Variants in ZNF540 observed in about 807,000 individuals in gnomAD.
ZNF540 encodes CTD-3064H18.6.
Under a neutral mutation model 11.8 loss-of-function variants are expected in ZNF540, and 3 were observed. The ratio of observed to expected loss-of-function variants is 0.25; its 90% CI spans 0.12 to 0.65. The LOEUF is 0.65. ZNF540 is among the 30% of genes least tolerant of loss of function. The pLI is 0.83. For missense variants in ZNF540, 709 were observed against 793.1 expected (o/e 0.89, Z 1.27); for synonymous variants, 247 against 259.0 (o/e 0.95, Z 0.45).
chr19:37,584,655 G>T (rs1201924724), intron 1 of ZNF540, among the ~76,000 whole-genome samples: 1 of 151,996 alleles, frequency 6.6e-6, no homozygotes, highest in African/African-American at 2.4e-5. Context: ...TGCTTATTTG[G>T]GAGTATCTGA....
At chr19:37,581,466 C>CTTTTTTTT (rs1226046583) in intron 1 of ZNF540, among the ~76,000 whole-genome samples, 1 of 138,730 alleles carries the variant, frequency 7.2e-6, no homozygotes, top group Non-Finnish European at 1.6e-5. Flanking sequence ...TTCTTTCTTT[C>CTTTTTTTT]TTTTTTTTTT....
At chr19:37,607,860 G>A (rs2044096872) in intron 4 of ZNF540, among the ~76,000 whole-genome samples, 1 of 152,160 alleles carries the variant, frequency 6.6e-6, no homozygotes, top group African/African-American at 2.4e-5. Flanking sequence ...ATAAGAATAG[G>A]TTTAGTTTTG....
In ZNF540 at chr19:37,564,260, G is replaced by A. The variant is rs111316372; in HGVS notation, c.-73+12595G>A. 5.6e-3 allele frequency: 970 copies of A among 174,084 alleles called. 11 individuals carry two copies. The highest frequency in any genetic ancestry group is 0.021 in the African/African-American group (908 of 42,412). The allele number at this position is 174,084 out of a possible 1,614,324, so 10.8% of individuals were successfully genotyped here. ...TTAACAACAAATATCAGATGCTATC[G>A]AAAGGGAATTATATGTATTTAATTA... On this transcript the variant is annotated intron_variant, in intron 1 of 4. Coordinates refer to the ZNF540 transcript ENST00000592533.
At position 37,613,260 on chromosome 19, in the gene ZNF540, T is replaced by A; in HGVS notation, c.1980T>A (p.Ile660=). 6.7e-7 allele frequency: 1 copy of A among 1,485,340 alleles called. No individual in the cohort carries two copies. Among genetic ancestry groups the A allele is most frequent in the Non-Finnish European group, 9.0e-7 (1 of 1,116,254 alleles). 92.0% of individuals were successfully genotyped at this position (1,485,340 alleles called of 1,614,324 possible). The part of the protein sequence containing the change: ...LYQHQKTHNV[I] Reference sequence around the variant, plus strand: ...AACATCAGAAAACTCATAATGTAATTTAATATAAGAAAAGGTTTCCATGTC... The same window carrying A: ...AACATCAGAAAACTCATAATGTAATATAATATAAGAAAAGGTTTCCATGTC... The change falls in exon 5 of 5, where the codon ATT becomes ATA. Residue 660 remains isoleucine (I), a synonymous_variant. Transcript: ENST00000316433.
chr19:37,604,304 T>TTTTTTTC (rs2044064957), intron 4 of ZNF540, among the ~76,000 whole-genome samples: 1 of 71,044 alleles, frequency 1.4e-5, no homozygotes, highest in African/African-American at 5.5e-5. Context: ...TACTTTTTTT[T>TTTTTTTC]TTTTTTTTTT....
chr19:37,565,843 A>T, intron 1 of ZNF540: 1 of 1,613,906 alleles, frequency 6.2e-7, no homozygotes, highest in Non-Finnish European at 8.5e-7. Context: ...CCATACACTC[A>T]TAAGGTTTCT....
At chr19:37,568,988 G>A (rs2042966095) in intron 1 of ZNF540, among the ~76,000 whole-genome samples, 2 of 151,144 alleles carry the variant, frequency 1.3e-5, no homozygotes, top group Admixed American at 6.6e-5. Context: ...ATGGAGTCTC[G>A]CTCTGTCATC....
upstream of ZNF540, among the ~76,000 whole-genome samples, chr19:37,593,390 G>C (rs916462532): frequency 6.6e-6 from 1 of 152,122 alleles, no homozygotes; most frequent in Non-Finnish European, 1.5e-5. Flanking sequence ...CCCCCAGAAA[G>C]TACAGTTATT....
Position 37,612,198 on chromosome 19 carries a change from A to G in ZNF540, c.918A>G (p.Lys306=), listed in dbSNP as rs1446973051. The G allele has an allele frequency of 6.2e-7, 1 of 1,612,252 alleles. No homozygotes were observed. The highest frequency in any genetic ancestry group is 8.5e-7 in the Non-Finnish European group (1 of 1,179,700). Reference sequence around the variant, plus strand: ...CTTATGAATGTAAAGAATGTGGAAAAGTTTTTCAACTTATTTTCTACTTTA... The same window carrying G: ...CTTATGAATGTAAAGAATGTGGAAAGGTTTTTCAACTTATTTTCTACTTTA... ...KKSYECKECG[K]VFQLIFYFKE... is the part of the protein sequence containing the mutation. The change falls in exon 5 of 5, where the codon AAA becomes AAG. Residue 306 remains lysine, a synonymous_variant. Coordinates refer to ENST00000316433, the MANE Select transcript of ZNF540 (RefSeq NM_001172225.3).
intron 4 of ZNF540, among the ~76,000 whole-genome samples, chr19:37,609,839 C>T (rs1371081439): frequency 6.6e-6 from 1 of 151,516 alleles, no homozygotes; most frequent in Non-Finnish European, 1.5e-5. Context: ...CAGAGTGAGA[C>T]TCCATCTCAA....
rs755818818 is a variant in ZNF540 at position 37,612,828 on chromosome 19, T to G, written c.1548T>G (p.Ile516Met). The G allele has an allele frequency of 6.2e-7, 1 of 1,614,104 alleles. No homozygotes were observed. The highest frequency in any genetic ancestry group is 1.1e-5 in the South Asian group (1 of 91,082). ...FGFYLTEHQR[I>M]HTGEKPYKCK... is the part of the protein sequence containing the mutation. ...TCTACCTTACTGAACACCAGAGAAT[T>G]CACACTGGTGAAAAGCCCTATAAAT... is the stretch of plus-strand genomic sequence containing the variant. Residue 516 changes from isoleucine (I) to methionine (M), a missense_variant, in exon 5 of 5, where the codon ATT becomes ATG. Transcript: ENST00000316433.
upstream of ZNF540, among the ~76,000 whole-genome samples, chr19:37,590,010 G>A (rs73617173): frequency 5.9e-3 from 900 of 151,984 alleles, 10 homozygotes; most frequent in African/African-American, 0.021. Context: ...AAAAGTCCAG[G>A]AATTGTTTTC....
chr19:37,551,860 ATG>A (rs1896537397), intron 1 of ZNF540, among the ~76,000 whole-genome samples: 1 of 151,304 alleles, frequency 6.6e-6, no homozygotes, highest in South Asian at 2.1e-4. Context: ...GGTGAAAAGA[ATG>A]TGTCTCGTGC....
intron 2 of ZNF540, 53 bp from the exon 3 acceptor site, chr19:37,599,573 T>C (rs1600556914): frequency 6.2e-7 from 1 of 1,611,194 alleles, no homozygotes; most frequent in East Asian, 2.2e-5. Context: ...TTTCTTCTTT[T>C]TAAAATACTT....
chr19:37,564,752 T>C, intron 1 of ZNF540: 1 of 1,613,818 alleles, frequency 6.2e-7, no homozygotes, highest in Non-Finnish European at 8.5e-7. Context: ...TTCCTTACAT[T>C]CATAGGGTTT....
chr19:37,562,125 A>G (rs1339167962), intron 1 of ZNF540, among the ~76,000 whole-genome samples: 1 of 152,182 alleles, frequency 6.6e-6, no homozygotes, highest in Admixed American at 6.5e-5. Flanking sequence ...GCTCATGCCT[A>G]TAATCCCAGC....
chr19:37,579,369 AC>A (rs1424222110), intron 1 of ZNF540, among the ~76,000 whole-genome samples: 1 of 152,180 alleles, frequency 6.6e-6, no homozygotes, highest in East Asian at 1.9e-4. Flanking sequence ...CTGAGGTCAG[AC>A]CAACCCAACC....
intron 3 of ZNF540, among the ~76,000 whole-genome samples, chr19:37,600,135 C>T (rs1468038259): frequency 2.0e-5 from 3 of 152,102 alleles, no homozygotes; most frequent in Non-Finnish European, 4.4e-5. Context: ...ACAGCCCTAC[C>T]CAGGGTCTAC....
intron 1 of ZNF540, chr19:37,565,413 C>T: frequency 6.2e-7 from 1 of 1,613,588 alleles, no homozygotes; most frequent in African/African-American, 1.3e-5. Flanking sequence ...TTCCCACATT[C>T]TTTACATATG....
Sources: gnomAD v4.1 joint callset for allele counts (sites outside exome capture counted in the v4.1 genomes callset) on GRCh38, gnomAD v4.1.1 for gene constraint, MANE v1.5 for transcripts, NCBI Gene and HGNC (gene_info 2026-07-23, HGNC 2026-07-21) for gene names.